The following PPHLN1 variants were observed in gnomAD, a reference collection of about 807,000 sequenced individuals.
PPHLN1 encodes periphilin-1.
Under a neutral mutation model 51.3 loss-of-function variants are expected in PPHLN1, and 29 were observed. That is an observed-to-expected ratio of 0.57 (90% CI 0.42 to 0.77). PPHLN1 has a LOEUF of 0.77. Among genes scored for constraint, PPHLN1 ranks in the 30% least tolerant of loss-of-function variants. The pLI is 0.00. For missense variants in PPHLN1, 436 were observed against 438.4 expected, an observed-to-expected ratio of 0.99 and a Z score of 0.05; for synonymous variants, 147 against 147.8, an observed-to-expected ratio of 0.99 and a Z score of 0.04.
At position 42,355,191 on chromosome 12, in the gene PPHLN1, G is replaced by A. The variant is rs764967844; in HGVS notation, c.268G>A (p.Asp90Asn). The change falls in exon 4 of 10, where the codon GAT becomes AAT. Residue 90 changes from aspartate (D) to asparagine (N), a missense_variant. Asp to Asn is a conservative substitution (Grantham distance 23). Transcript: ENST00000358314. ...DESGYRWTRDDHSASRQPEYR... is the reference protein window; with the variant it reads ...DESGYRWTRDNHSASRQPEYR... Reference sequence around the variant, plus strand: ...ATCTGGTTATAGATGGACAAGAGACGATCATTCTGCAAGCAGGCAACCTGA... The same window carrying A: ...ATCTGGTTATAGATGGACAAGAGACAATCATTCTGCAAGCAGGCAACCTGA... The A allele has an allele frequency of 1.9e-5, 30 of 1,613,532 alleles. No homozygotes were observed. Among genetic ancestry groups the A allele is most frequent in the Non-Finnish European group, 2.4e-5 (28 of 1,179,788 alleles).
At chr12:42,429,557 C>T (rs1228886812) in intron 9 of PPHLN1, among the ~76,000 whole-genome samples, 2 of 152,178 alleles carry the variant, frequency 1.3e-5, no homozygotes, top group Non-Finnish European at 1.5e-5. Flanking sequence ...GGAATAATTA[C>T]AACACTTTAT....
At chr12:42,407,669 A>AT (rs1215623685) in intron 9 of PPHLN1, among the ~76,000 whole-genome samples, 7 of 152,224 alleles carry the variant, frequency 4.6e-5, no homozygotes, top group African/African-American at 1.7e-4. Flanking sequence ...CAAATCCCTT[A>AT]TGTAAAATGG....
At chr12:42,421,568 G>A (rs756781115) in intron 9 of PPHLN1, among the ~76,000 whole-genome samples, 3 of 151,992 alleles carry the variant, frequency 2.0e-5, no homozygotes, top group Non-Finnish European at 4.4e-5. Flanking sequence ...GGCTGCTCTC[G>A]AACTCCTGAC....
intron 9 of PPHLN1, among the ~76,000 whole-genome samples, chr12:42,424,820 A>T (rs1466445599): frequency 6.6e-6 from 1 of 152,214 alleles, no homozygotes; most frequent in Non-Finnish European, 1.5e-5. Context: ...CGATACCTGG[A>T]TACTATAAAA....
chr12:42,362,426 C>T (rs550795313), intron 4 of PPHLN1, among the ~76,000 whole-genome samples: 2 of 152,172 alleles, frequency 1.3e-5, no homozygotes, highest in South Asian at 4.1e-4. Flanking sequence ...CTTTTGGTGT[C>T]ATATCTAAGA....
chr12:42,329,210 T>C (rs1166293921), intron 1 of PPHLN1, among the ~76,000 whole-genome samples: 2 of 151,886 alleles, frequency 1.3e-5, no homozygotes. Flanking sequence ...CATGCCATTC[T>C]CCTGCCTCAG....
At chr12:42,444,714 G>C, downstream of PPHLN1, 1 of 262,880 alleles carries the variant, frequency 3.8e-6, no homozygotes, top group Non-Finnish European at 7.2e-6. Context: ...CCTATCTCTA[G>C]ACCTTCAGAT....
At chr12:42,407,508 C>G (rs2079420936) in intron 9 of PPHLN1, among the ~76,000 whole-genome samples, 1 of 152,226 alleles carries the variant, frequency 6.6e-6, no homozygotes, top group Non-Finnish European at 1.5e-5. Flanking sequence ...ACCATCACTT[C>G]TGCCTTGTTC....
intron 9 of PPHLN1, among the ~76,000 whole-genome samples, chr12:42,400,823 C>CAT (rs2078777047): frequency 6.6e-6 from 1 of 151,994 alleles, no homozygotes; most frequent in Non-Finnish European, 1.5e-5. Context: ...CACACACACA[C>CAT]ACACACACAC....
At chr12:42,354,955 C>G (rs1479410973) in intron 3 of PPHLN1, among the ~76,000 whole-genome samples, 2 of 152,196 alleles carry the variant, frequency 1.3e-5, no homozygotes, top group Non-Finnish European at 2.9e-5. Flanking sequence ...ATAATTTAAG[C>G]ATTTTAATAG....
At chr12:42,345,311 T>C (rs2138027378) in intron 2 of PPHLN1, among the ~76,000 whole-genome samples, 1 of 152,190 alleles carries the variant, frequency 6.6e-6, no homozygotes, top group South Asian at 2.1e-4. Context: ...ATGACAGATT[T>C]GAAAGTTTAA....
At chr12:42,412,213 A>G (rs892345009) in intron 9 of PPHLN1, among the ~76,000 whole-genome samples, 1 of 152,040 alleles carries the variant, frequency 6.6e-6, no homozygotes, top group Non-Finnish European at 1.5e-5. Flanking sequence ...CTCAAAAAAT[A>G]AAAAAAGAAG....
intron 8 of PPHLN1, among the ~76,000 whole-genome samples, chr12:42,397,906 T>A (rs1449338671): frequency 6.6e-6 from 1 of 151,772 alleles, no homozygotes; most frequent in East Asian, 1.9e-4. Flanking sequence ...GTATTTTTGG[T>A]AGAGACGGGT....
In PPHLN1 at chr12:42,441,702, G is replaced by T. The variant is rs749038284; in HGVS notation, c.*193G>T. ...TTTGATTCAAATTTTTGTATTTTTT[G>T]TAGAGATGGGGTTCACCATGTTGGC... On this transcript the variant is annotated 3_prime_UTR_variant, in exon 10 of 10. Transcript: ENST00000358314. The T allele has an allele frequency of 1.3e-3, 1,615 of 1,255,090 alleles. 3 individuals carry two copies. Among genetic ancestry groups the T allele is most frequent in the Non-Finnish European group, 1.5e-3 (1,512 of 983,440 alleles). 77.7% of individuals were successfully genotyped at this position (1,255,090 alleles called of 1,614,324 possible).
At chr12:42,402,124 C>G (rs1326690376) in intron 9 of PPHLN1, among the ~76,000 whole-genome samples, 1 of 152,118 alleles carries the variant, frequency 6.6e-6, no homozygotes, top group Non-Finnish European at 1.5e-5. Flanking sequence ...CAGGCGTAAG[C>G]CACCGCACCC....
At chr12:42,408,855 C>G (rs1183098289) in intron 9 of PPHLN1, among the ~76,000 whole-genome samples, 1 of 152,098 alleles carries the variant, frequency 6.6e-6, no homozygotes, top group Non-Finnish European at 1.5e-5. Flanking sequence ...AAAACTATTC[C>G]TTTGGTAATT....
chr12:42,388,175 G>T lies in PPHLN1; in HGVS notation c.648+640G>T, dbSNP rs60743579. Among the ~76,000 whole-genome samples the T allele has an allele frequency of 4.5e-3, 690 of 152,258 alleles. 1 individual carries two copies. The highest frequency in any genetic ancestry group is 0.016 in the African/African-American group (668 of 41,538). Reference sequence around the variant, plus strand: ...TGAGGTGGATTATTAAAAGAGGAAAGCCTCTTGCAGTTGAGATAGTGGAAG... The same window carrying T: ...TGAGGTGGATTATTAAAAGAGGAAATCCTCTTGCAGTTGAGATAGTGGAAG... On this transcript the variant is annotated intron_variant, in intron 7 of 9. Transcript: ENST00000358314.
chr12:42,426,228 A>ACACACACACCCCC (rs371819974), intron 9 of PPHLN1, among the ~76,000 whole-genome samples: 30 of 129,786 alleles, frequency 2.3e-4, no homozygotes, highest in African/African-American at 9.2e-4. Flanking sequence ...ACACACACAC[A>ACACACACACCCCC]CCCTCATGCA....
chr12:42,408,023 A>T (rs1302333153), intron 9 of PPHLN1, among the ~76,000 whole-genome samples: 1 of 152,134 alleles, frequency 6.6e-6, no homozygotes, highest in Non-Finnish European at 1.5e-5. Flanking sequence ...TCCTCCCATG[A>T]TTAGTGTTAT....
Sources: gnomAD v4.1 joint callset for allele counts (sites outside exome capture counted in the v4.1 genomes callset) on GRCh38, gnomAD v4.1.1 for gene constraint, MANE v1.5 for transcripts, NCBI Gene and HGNC (gene_info 2026-07-23, HGNC 2026-07-21) for gene names.